The following TBC1D31 variants were observed in gnomAD, a reference collection of about 807,000 sequenced individuals.
TBC1D31 encodes TBC1 domain family member 31.
A neutral mutation model predicts 132.9 loss-of-function variants in TBC1D31; 99 were observed. That is an observed-to-expected ratio of 0.74 (90% CI 0.63 to 0.88). The LOEUF (loss-of-function observed/expected upper bound fraction) is 0.88. Ranked by LOEUF, TBC1D31 falls within the 40% of genes least tolerant of loss-of-function variation. The probability of loss-of-function intolerance (pLI) is 0.00; values close to 1 mark genes in which losing one functional copy is unlikely to be tolerated. For missense variants in TBC1D31, 1,134 were observed against 1,256.6 expected (o/e 0.90, Z 1.48); for synonymous variants, 385 against 419.4 (o/e 0.92, Z 1.00).
At chr8:123,141,844 CTTTTTTTTTTTTTTT>C (rs1160750679) in intron 18 of TBC1D31, among the ~76,000 whole-genome samples, 6 of 52,066 alleles carry the variant, frequency 1.2e-4, no homozygotes, top group East Asian at 6.0e-4. Flanking sequence ...TTGAAGAGCT[CTTTTTTTTTTTTTTT>C]TTTTTTTTTT....
intron 11 of TBC1D31, among the ~76,000 whole-genome samples, chr8:123,120,486 A>G (rs1159616574): frequency 1.3e-5 from 2 of 152,296 alleles, no homozygotes; most frequent in East Asian, 1.9e-4. Flanking sequence ...AGCCTGGCCA[A>G]CGTGGTGAAA....
intron 8 of TBC1D31, among the ~76,000 whole-genome samples, chr8:123,107,801 G>A (rs887406690): frequency 9.9e-5 from 15 of 152,196 alleles, no homozygotes; most frequent in African/African-American, 3.6e-4. Context: ...GTAGGTCAAA[G>A]TAGAACACTT....
chr8:123,161,654 G>T, the TBC1D31 span, among the ~76,000 whole-genome samples: 1 of 152,076 alleles, frequency 6.6e-6, no homozygotes, highest in East Asian at 1.9e-4. Context: ...AATTGCAAAA[G>T]ACGTAATTAC....
At chr8:123,084,765 T>C (rs1168688442) in intron 4 of TBC1D31, among the ~76,000 whole-genome samples, 1 of 146,360 alleles carries the variant, frequency 6.8e-6, no homozygotes, top group African/African-American at 2.6e-5. Flanking sequence ...TATGGGTCTA[T>C]CCATCTTTCT....
intron 21 of TBC1D31, among the ~76,000 whole-genome samples, chr8:123,151,166 T>A (rs1822734975): frequency 7.7e-6 from 1 of 130,512 alleles, no homozygotes; most frequent in South Asian, 2.2e-4. Flanking sequence ...TACAAAAGCA[T>A]GAAAGTTGTA....
At chr8:123,076,338 ATG>A (rs71310650) in intron 1 of TBC1D31, among the ~76,000 whole-genome samples, 51,286 of 149,184 alleles carry the variant, frequency 0.34, 8,705 homozygotes, top group East Asian at 0.46. Flanking sequence ...AATTGTGTGT[ATG>A]TGTGTGTGTG....
At chr8:123,136,697 C>T (rs1285431523) in intron 17 of TBC1D31, among the ~76,000 whole-genome samples, 2 of 152,090 alleles carry the variant, frequency 1.3e-5, no homozygotes, top group Non-Finnish European at 1.5e-5. Flanking sequence ...GTAATCCGCC[C>T]GCCTCGGCCT....
At chr8:123,103,059 T>C (rs1817599252) in intron 7 of TBC1D31, 2 of 152,226 alleles carry the variant, frequency 1.3e-5, no homozygotes, top group Non-Finnish European at 2.9e-5. Flanking sequence ...ATATATGTAT[T>C]GATTGATTAA....
chr8:123,121,348 C>T (rs1819467693), intron 11 of TBC1D31, among the ~76,000 whole-genome samples: 1 of 152,162 alleles, frequency 6.6e-6, no homozygotes, highest in Admixed American at 6.5e-5. Context: ...TTGGTGTTAT[C>T]GGGTCATAAA....
At chr8:123,073,221 A>T (rs1318993860) in intron 1 of TBC1D31, 1 of 472,358 alleles carries the variant, frequency 2.1e-6, no homozygotes, top group Non-Finnish European at 4.2e-6. Flanking sequence ...GCAGAACTCC[A>T]GGAGGAGATG....
chr8:123,090,797 CA>C (rs1220620165), intron 4 of TBC1D31, among the ~76,000 whole-genome samples: 1 of 151,860 alleles, frequency 6.6e-6, no homozygotes, highest in Non-Finnish European at 1.5e-5. Flanking sequence ...CTAAAATATA[CA>C]AAAAATTAGC....
intron 17 of TBC1D31, among the ~76,000 whole-genome samples, chr8:123,137,461 G>A (rs937515100): frequency 6.6e-6 from 1 of 152,222 alleles, no homozygotes; most frequent in African/African-American, 2.4e-5. Flanking sequence ...AAGGTAAAAG[G>A]CACATGGAGT....
intron 16 of TBC1D31, among the ~76,000 whole-genome samples, chr8:123,131,828 T>A (rs1820665454): frequency 6.6e-6 from 1 of 152,200 alleles, no homozygotes; most frequent in Non-Finnish European, 1.5e-5. Context: ...AGTCTTAATA[T>A]TTGCCAAGCA....
chr8:123,105,066 TC>T (rs1817793227), intron 7 of TBC1D31, among the ~76,000 whole-genome samples: 1 of 152,222 alleles, frequency 6.6e-6, no homozygotes, highest in Non-Finnish European at 1.5e-5. Flanking sequence ...CTATTGTTAA[TC>T]ATGTATCTTT....
At chr8:123,160,710 G>C in the TBC1D31 span, among the ~76,000 whole-genome samples, 1 of 152,196 alleles carries the variant, frequency 6.6e-6, no homozygotes, top group Non-Finnish European at 1.5e-5. Flanking sequence ...AGGGTACCAG[G>C]CCCGATCCCC....
At position 123,130,323 on chromosome 8, in the gene TBC1D31, T is replaced by C; in HGVS notation, c.2396T>C (p.Ile799Thr). The part of the protein sequence containing the change: ...EMELRRLDDE[I>T]GRKVYMRDRE... ...GAACTAAGAAGACTGGATGATGAAA[T>C]TGGGAGAAAGGTTTATTATTCTTAA... is the stretch of plus-strand genomic sequence containing the variant. Residue 799 changes from isoleucine to threonine, a missense_variant, in exon 16 of 22, where the codon ATT (isoleucine) becomes ACT (threonine). Coordinates refer to ENST00000287380, the MANE Select transcript of TBC1D31 (RefSeq NM_145647.4). The C allele has an allele frequency of 1.9e-6, 3 of 1,610,948 alleles. No homozygotes were observed. Among genetic ancestry groups the C allele is most frequent in the Non-Finnish European group, 2.5e-6 (3 of 1,178,538 alleles).
intron 13 of TBC1D31, 82 bp from the exon 14 acceptor site, chr8:123,128,199 T>A (rs926555612): frequency 8.4e-5 from 60 of 716,936 alleles, no homozygotes; most frequent in Non-Finnish European, 1.2e-4. Context: ...ATAGATACAC[T>A]TTTTTTAAAT....
intron 2 of TBC1D31, among the ~76,000 whole-genome samples, chr8:123,078,053 CA>C (rs368627401): frequency 1.4e-4 from 21 of 145,264 alleles, no homozygotes; most frequent in Admixed American, 2.1e-4. Flanking sequence ...GACTCCATCT[CA>C]AAAAAAAAAA....
intron 10 of TBC1D31, among the ~76,000 whole-genome samples, chr8:123,119,721 A>G (rs1462135502): frequency 6.6e-6 from 1 of 152,216 alleles, no homozygotes; most frequent in African/African-American, 2.4e-5. Context: ...TCGGGAAAAC[A>G]AAAGAAAAAA....
Sources: gnomAD v4.1 joint callset for allele counts (sites outside exome capture counted in the v4.1 genomes callset) on GRCh38, gnomAD v4.1.1 for gene constraint, MANE v1.5 for transcripts, NCBI Gene and HGNC (gene_info 2026-07-23, HGNC 2026-07-21) for gene names.